EXOC6B: variants seen among roughly 807,000 people sequenced by gnomAD.
The protein encoded by EXOC6B is exocyst complex component 6B, also known as SEC15 homolog B.
In EXOC6B, 54 loss-of-function variants were observed where a neutral mutation model predicts 113.5. The ratio of observed to expected loss-of-function variants is 0.48; its 90% CI spans 0.38 to 0.60. The LOEUF (loss-of-function observed/expected upper bound fraction) is 0.60. EXOC6B is among the 20% of genes least tolerant of loss of function. EXOC6B has a pLI of 0.00. For missense variants in EXOC6B, 797 were observed against 977.5 expected, an observed-to-expected ratio of 0.82 and a Z score of 2.46; for synonymous variants, 357 against 339.0, an observed-to-expected ratio of 1.05 and a Z score of -0.58.
chr2:72,528,284 C>T (rs900474040), intron 8 of EXOC6B, among the ~76,000 whole-genome samples: 10 of 152,010 alleles, frequency 6.6e-5, no homozygotes, highest in Non-Finnish European at 1.0e-4. Flanking sequence ...CTCATTCTCG[C>T]TCTCTCTTTG....
intron 1 of EXOC6B, among the ~76,000 whole-genome samples, chr2:72,790,461 T>C (rs933291825): frequency 6.6e-6 from 1 of 152,086 alleles, no homozygotes; most frequent in Admixed American, 6.6e-5. Context: ...AAAATTAAAA[T>C]AAGGTAAAGA....
chr2:72,691,571 T>C (rs1677480672), intron 6 of EXOC6B, among the ~76,000 whole-genome samples: 1 of 152,044 alleles, frequency 6.6e-6, no homozygotes, highest in Admixed American at 6.5e-5. Context: ...TTCTCATTAA[T>C]ATCTCAGAAA....
At position 72,356,169 on chromosome 2, in the gene EXOC6B, T is replaced by C. The variant is rs768512360; in HGVS notation, c.2123-21149A>G. On this transcript the variant is annotated intron_variant, in intron 19 of 21. Coordinates refer to ENST00000272427, the MANE Select transcript of EXOC6B (RefSeq NM_015189.3). ...GTAAAGCCAACTTTTATTTTTAAAA[T>C]ACATTTCTACTAGTATGTTCAGGTT... Among the ~76,000 whole-genome samples the C allele has an allele frequency of 2.6e-5, 4 of 152,346 alleles. No homozygotes were observed. The East Asian group carries it at 5.8e-4, about 22-fold the overall frequency.
intron 17 of EXOC6B, among the ~76,000 whole-genome samples, chr2:72,465,673 T>A (rs1294019929): frequency 6.6e-6 from 1 of 152,118 alleles, no homozygotes; most frequent in African/African-American, 2.4e-5. Context: ...TACAAAAATA[T>A]TTTCAGGACA....
rs71731573 is a variant in EXOC6B, at chr2:72,176,279, GGAAGAAGAA to G, written c.*3047_*3055del. 1.4e-4 allele frequency: 21 copies of G among 148,194 alleles called. No homozygotes were observed. The highest frequency in any genetic ancestry group is 1.2e-3 in the Admixed American group (18 of 14,862). The allele number at this position is 148,194 out of a possible 1,614,324, so 9.2% of individuals were successfully genotyped here. On this transcript the variant is annotated 3_prime_UTR_variant, in exon 22 of 22. Transcript: ENST00000272427. ...CAGGCAAAAAAAAAAAAAACAAAAAGGAAGAAGAAGAAGAAGAAGAAGAGGCAATTGCAG... is the reference window on the plus strand; with the variant it reads ...CAGGCAAAAAAAAAAAAAACAAAAAGGAAGAAGAAGAAGAGGCAATTGCAG...
At chr2:72,468,155 T>C (rs1029160095) in intron 17 of EXOC6B, among the ~76,000 whole-genome samples, 1 of 152,190 alleles carries the variant, frequency 6.6e-6, no homozygotes, top group Non-Finnish European at 1.5e-5. Flanking sequence ...ATAATCAATC[T>C]GATTTGTCTT....
At chr2:72,382,092 T>A (rs993052345) in intron 18 of EXOC6B, among the ~76,000 whole-genome samples, 2 of 152,088 alleles carry the variant, frequency 1.3e-5, no homozygotes, top group Non-Finnish European at 2.9e-5. Flanking sequence ...ACAGACACAA[T>A]AGAGGCAAAA....
intron 18 of EXOC6B, among the ~76,000 whole-genome samples, chr2:72,449,482 T>A (rs1158701993): frequency 1.3e-5 from 1 of 74,422 alleles, no homozygotes; most frequent in Non-Finnish European, 2.4e-5. Context: ...GCATTGTCAA[T>A]TTTTTTTTTT....
At chr2:72,764,910 G>A (rs981282289) in intron 1 of EXOC6B, among the ~76,000 whole-genome samples, 1 of 152,028 alleles carries the variant, frequency 6.6e-6, no homozygotes, top group African/African-American at 2.4e-5. Context: ...GAATCCCTTT[G>A]CCTGTAAATC....
At chr2:72,612,949 G>A (rs767273879) in intron 6 of EXOC6B, among the ~76,000 whole-genome samples, 5 of 152,148 alleles carry the variant, frequency 3.3e-5, no homozygotes, top group African/African-American at 9.7e-5. Flanking sequence ...AAATCATGCA[G>A]CTAGCTCAGT....
intron 1 of EXOC6B, among the ~76,000 whole-genome samples, chr2:72,756,123 A>G (rs1016228767): frequency 6.6e-6 from 1 of 152,156 alleles, no homozygotes; most frequent in Non-Finnish European, 1.5e-5. Context: ...GGAGTCTGTT[A>G]AAGATTTATA....
At chr2:72,559,638 T>G (rs1703771960) in intron 7 of EXOC6B, 117 bp from the exon 8 acceptor site, 1 of 698,960 alleles carries the variant, frequency 1.4e-6, no homozygotes, top group Non-Finnish European at 2.3e-6. Context: ...AGCTTGTAAG[T>G]GAGAAATACA....
At chr2:72,376,590 C>A (rs557128323) in intron 19 of EXOC6B, among the ~76,000 whole-genome samples, 46 of 152,092 alleles carry the variant, frequency 3.0e-4, no homozygotes, top group Non-Finnish European at 5.1e-4. Context: ...TATTTAAATT[C>A]GTGTGTTAAT....
At chr2:72,782,832 C>T (rs1684137981) in intron 1 of EXOC6B, among the ~76,000 whole-genome samples, 1 of 152,192 alleles carries the variant, frequency 6.6e-6, no homozygotes, top group Non-Finnish European at 1.5e-5. Context: ...CCAGTTCCAT[C>T]CACCTTGCTG....
chr2:72,675,898 G>A (rs1022449386), intron 6 of EXOC6B, among the ~76,000 whole-genome samples: 4 of 152,026 alleles, frequency 2.6e-5, no homozygotes, highest in Non-Finnish European at 5.9e-5. Flanking sequence ...CTTATGTGGT[G>A]CTTTCCTCTA....
chr2:72,617,517 CTTTTTTT>C (rs201912352), intron 6 of EXOC6B, among the ~76,000 whole-genome samples: 4 of 96,954 alleles, frequency 4.1e-5, no homozygotes, highest in East Asian at 2.9e-4. Flanking sequence ...AATCTTTTTT[CTTTTTTT>C]TTTTTTTTTT....
intron 18 of EXOC6B, among the ~76,000 whole-genome samples, chr2:72,418,108 G>T (rs1485380444): frequency 6.6e-6 from 1 of 151,520 alleles, no homozygotes; most frequent in Non-Finnish European, 1.5e-5. Flanking sequence ...GCCTTTTATG[G>T]TTTTCCCTTC....
chr2:72,376,842 C>A (rs543018043), intron 19 of EXOC6B, among the ~76,000 whole-genome samples: 2 of 151,876 alleles, frequency 1.3e-5, no homozygotes, highest in African/African-American at 2.4e-5. Context: ...TGCTTGAGAG[C>A]GTGGAATTGT....
At chr2:72,413,386 T>G (rs1414776124) in intron 18 of EXOC6B, among the ~76,000 whole-genome samples, 4 of 151,836 alleles carry the variant, frequency 2.6e-5, no homozygotes, top group Non-Finnish European at 5.9e-5. Context: ...TTTTGCCTTT[T>G]TTTTTTAAGA....
Sources: gnomAD v4.1 joint callset for allele counts (sites outside exome capture counted in the v4.1 genomes callset) on GRCh38, gnomAD v4.1.1 for gene constraint, MANE v1.5 for transcripts, NCBI Gene and HGNC (gene_info 2026-07-23, HGNC 2026-07-21) for gene names.